ZDBF2: variants seen among roughly 807,000 people sequenced by gnomAD.
ZDBF2 encodes DBF4-type zinc finger-containing protein 2.
Under a neutral mutation model 9.4 loss-of-function variants are expected in ZDBF2, and 6 were observed. The ratio of observed to expected loss-of-function variants is 0.64; its 90% CI spans 0.35 to 1.27. The LOEUF (loss-of-function observed/expected upper bound fraction) is 1.27, where lower values mean the gene tolerates loss of function less well. ZDBF2 is among the 50% of genes most tolerant of loss of function. The pLI is 0.03. For missense variants in ZDBF2, 2,697 were observed against 2,766.8 expected (o/e 0.97, Z 0.57); for synonymous variants, 905 against 946.3 (o/e 0.96, Z 0.80).
intron 4 of ZDBF2, among the ~76,000 whole-genome samples, chr2:206,303,278 G>T: frequency 7.2e-6 from 1 of 139,274 alleles, no homozygotes; most frequent in African/African-American, 2.7e-5. Flanking sequence ...TTATCTCTTT[G>T]AATTGTTATT....
At chr2:206,281,612 T>C (rs1446867714) in intron 2 of ZDBF2, among the ~76,000 whole-genome samples, 189 bp from the exon 3 acceptor site, 1 of 152,228 alleles carries the variant, frequency 6.6e-6, no homozygotes, top group Non-Finnish European at 1.5e-5. Flanking sequence ...GGCAACAAAC[T>C]GCTCTTTCAT....
chr2:206,305,867 G>C lies in ZDBF2; in HGVS notation c.1339G>C (p.Val447Leu), dbSNP rs767944305. ...DVQYKNNKSY[V>L]SKISSDCDDI... The stretch of plus-strand genomic sequence containing the variant: ...ACAGTATAAGAATAATAAATCTTAT[G>C]TTTCTAAAATAAGTTCTGATTGTGA... The change falls in exon 5 of 5, where the codon GTT (valine) becomes CTT (leucine). Residue 447 changes from valine (V) to leucine (L), a missense_variant. Val to Leu is a conservative substitution (Grantham distance 32). Around this residue, in one of 3 missense-constraint regions of ZDBF2, gnomAD observed 910 missense variants for 973.6 expected, o/e 0.93. Transcript: ENST00000374423. The C allele has an allele frequency of 4.1e-5, 66 of 1,612,926 alleles. 1 individual carries two copies. The South Asian group carries it at 7.0e-4, about 17-fold the overall frequency.
intron 4 of ZDBF2, among the ~76,000 whole-genome samples, chr2:206,303,963 A>G (rs1171152824): frequency 1.3e-5 from 2 of 152,208 alleles, no homozygotes; most frequent in Non-Finnish European, 2.9e-5. Context: ...CTGAGTATTC[A>G]GGTTGATTCT....
At chr2:206,287,460 C>G (rs1346183010) in intron 3 of ZDBF2, among the ~76,000 whole-genome samples, 3 of 152,192 alleles carry the variant, frequency 2.0e-5, no homozygotes, top group African/African-American at 7.2e-5. Flanking sequence ...CGATGATTCC[C>G]TTATATGTGA....
intron 1 of ZDBF2, among the ~76,000 whole-genome samples, chr2:206,278,225 AAATT>A (rs1447756310): frequency 2.6e-5 from 4 of 152,340 alleles, no homozygotes; most frequent in African/African-American, 4.8e-5. Context: ...TTTGTAATAA[AAATT>A]AATAAAAGTC....
At chr2:206,302,098 T>C (rs1692536819) in intron 4 of ZDBF2, among the ~76,000 whole-genome samples, 2 of 152,054 alleles carry the variant, frequency 1.3e-5, no homozygotes, top group South Asian at 4.2e-4. Flanking sequence ...AGTCTCAAAG[T>C]CCTGGGCTCA....
In ZDBF2 at chr2:206,308,754, A is replaced by G; in HGVS notation, c.4226A>G (p.Asp1409Gly). Residue 1409 changes from aspartate (D) to glycine (G), a missense_variant, in exon 5 of 5, where the codon GAT (aspartate) becomes GGT (glycine). This residue lies in a region of ZDBF2 where 1,783 missense variants were observed against 1,776.5 expected (regional missense o/e 1.00). Transcript: ENST00000374423. ...EDKSYKLGDF[D>G]VSYASHIPVQ... The stretch of plus-strand genomic sequence containing the variant: ...AAGAGCTATAAATTAGGTGATTTTG[A>G]TGTAAGTTATGCTTCTCATATTCCT... The G allele has an allele frequency of 2.5e-6, 4 of 1,613,590 alleles. No individual in the cohort carries two copies. The highest frequency in any genetic ancestry group is 2.2e-5 in the South Asian group (2 of 91,030).
Position 206,309,890 on chromosome 2 carries a change from C to T in ZDBF2, c.5362C>T (p.Gln1788Ter). Residue 1788 changes from glutamine (Q) to a stop codon, truncating the protein, a stop_gained, in exon 5 of 5, where the codon CAG becomes TAG. Transcript: ENST00000374423. LOFTEE classifies it low-confidence loss of function (END_TRUNC). Reference protein sequence around the residue: ...SDLKEKNHDSQSSSVLKVDSV... With the variant: ...SDLKEKNHDS ...CTTGAAAGAAAAGAACCATGATTCC[C>T]AGTCAAGCTCTGTTCTCAAGGTTGA... 1 of 1,613,916 alleles carries T rather than the reference C, an allele frequency of 6.2e-7. No individual in the cohort carries two copies. Among genetic ancestry groups the T allele is most frequent in the African/African-American group, 1.3e-5 (1 of 75,008 alleles).
chr2:206,298,499 G>A (rs1299455506), intron 4 of ZDBF2, among the ~76,000 whole-genome samples: 1 of 152,112 alleles, frequency 6.6e-6, no homozygotes, highest in Non-Finnish European at 1.5e-5. Context: ...CCTGGGGTCA[G>A]TATAAATTTC....
At chr2:206,303,469 A>G (rs776740883) in intron 4 of ZDBF2, among the ~76,000 whole-genome samples, 1 of 152,164 alleles carries the variant, frequency 6.6e-6, no homozygotes, top group African/African-American at 2.4e-5. Context: ...TGGCAATATC[A>G]TTAGGTCAGT....
At position 206,312,502 on chromosome 2, in the gene ZDBF2, C is replaced by G. The variant is rs1178668906; in HGVS notation, c.*909C>G. On this transcript the variant is annotated 3_prime_UTR_variant, in exon 5 of 5. Transcript: ENST00000374423. The stretch of plus-strand genomic sequence containing the variant: ...TGAACTTAGCTCACCGCAACCTCCA[C>G]CTCCCGGGTTCAAGCAATTCTCCTG... The G allele has an allele frequency of 1.3e-5, 2 of 152,230 alleles. No individual in the cohort carries two copies. The highest frequency in any genetic ancestry group is 4.8e-5 in the African/African-American group (2 of 41,446). The allele number at this position is 152,230 out of a possible 1,614,324, so 9.4% of individuals were successfully genotyped here.
rs77398821 is a variant in ZDBF2, at chr2:206,301,374, T to C, written c.189-3343T>C. The stretch of plus-strand genomic sequence containing the variant: ...TGTAAGGAGAATTTTTCTTTATGGC[T>C]TCTTTTATGCCTTTTTCTTCATGCC... On this transcript the variant is annotated intron_variant, in intron 4 of 4. Transcript: ENST00000374423. 5.6e-3 allele frequency among the ~76,000 whole-genome samples: 849 copies of C among 152,272 alleles called. 6 individuals are homozygous for C. The highest frequency in any genetic ancestry group is 8.9e-3 in the Non-Finnish European group (602 of 68,006).
At chr2:206,287,674 T>C (rs1249920872) in intron 3 of ZDBF2, among the ~76,000 whole-genome samples, 2 of 152,216 alleles carry the variant, frequency 1.3e-5, no homozygotes, top group Non-Finnish European at 2.9e-5. Flanking sequence ...GTCTTCCCCA[T>C]CTGGATTCCT....
chr2:206,290,868 T>C (rs187083708), intron 3 of ZDBF2, among the ~76,000 whole-genome samples: 2 of 152,342 alleles, frequency 1.3e-5, no homozygotes, highest in East Asian at 3.9e-4. Flanking sequence ...TGCTAGAATT[T>C]CTAGTATGAT....
intron 2 of ZDBF2, 115 bp downstream of exon 2, chr2:206,279,707 C>G (rs1315035736): frequency 1.3e-5 from 2 of 152,062 alleles, no homozygotes; most frequent in Admixed American, 6.5e-5. Flanking sequence ...AAGAAATGAT[C>G]CCTTTAATAA....
In ZDBF2 at chr2:206,310,228, CTG is replaced by C; in HGVS notation, c.5703_5704del (p.Cys1901TrpfsTer6). ...CTGTGTCAGAGAGTGATGATATTGTCTGTGGTATTTCAGATATTGATGACTTG... is the reference window on the plus strand; with the variant it reads ...CTGTGTCAGAGAGTGATGATATTGTCTGGTATTTCAGATATTGATGACTTG... ...QAVSESDDIV[C>X]GISDIDDLSV... On this transcript the variant is annotated frameshift_variant, in exon 5 of 5. Coordinates refer to ENST00000374423, the MANE Select transcript of ZDBF2 (RefSeq NM_020923.3). LOFTEE classifies it low-confidence loss of function (END_TRUNC). 6.2e-7 allele frequency: 1 copy of C among 1,613,898 alleles called. No individual in the cohort carries two copies. Among genetic ancestry groups the C allele is most frequent in the Non-Finnish European group, 8.5e-7 (1 of 1,179,890 alleles).
At chr2:206,295,732 T>C (rs959003659) in intron 3 of ZDBF2, among the ~76,000 whole-genome samples, 3 of 152,048 alleles carry the variant, frequency 2.0e-5, no homozygotes, top group Admixed American at 1.3e-4. Context: ...ACGATATTCT[T>C]ACTCAGTGAA....
rs1251674986 is a variant in ZDBF2 at position 206,309,332 on chromosome 2, A to C, written c.4804A>C (p.Lys1602Gln). 6.2e-7 allele frequency: 1 copy of C among 1,612,854 alleles called. No homozygotes were observed. Among genetic ancestry groups the C allele is most frequent in the Non-Finnish European group, 8.5e-7 (1 of 1,179,454 alleles). The change falls in exon 5 of 5, where the codon AAA becomes CAA. Residue 1602 changes from lysine to glutamine, a missense_variant. Transcript: ENST00000374423. ...GACAAACCAATGCAAAGAGACTTTCAAAATAATAAACCGGAAGAAGGACTA... is the reference window on the plus strand; with the variant it reads ...GACAAACCAATGCAAAGAGACTTTCCAAATAATAAACCGGAAGAAGGACTA... ...SMTNQCKETFKIINRKKDYII... is the reference protein window; with the variant it reads ...SMTNQCKETFQIINRKKDYII...
Position 206,310,389 on chromosome 2 carries a change from C to T in ZDBF2, c.5861C>T (p.Pro1954Leu). The T allele has an allele frequency of 1.9e-6, 3 of 1,613,838 alleles. No individual in the cohort carries two copies. The highest frequency in any genetic ancestry group is 2.5e-6 in the Non-Finnish European group (3 of 1,179,872). The change falls in exon 5 of 5, where the codon CCA (proline) becomes CTA (leucine). Residue 1954 changes from proline to leucine, a missense_variant. Coordinates refer to ENST00000374423, the MANE Select transcript of ZDBF2 (RefSeq NM_020923.3). ...HSTQTSCKNY[P>L]VMKRKIIRQE... is the part of the protein sequence containing the mutation. ...ACTCAGACCAGTTGTAAGAATTACCCAGTGATGAAAAGAAAAATAATTAGA... is the reference window on the plus strand; with the variant it reads ...ACTCAGACCAGTTGTAAGAATTACCTAGTGATGAAAAGAAAAATAATTAGA...
Sources: allele counts gnomAD v4.1 joint callset (sites outside exome capture counted in the v4.1 genomes callset), GRCh38; gene constraint gnomAD v4.1.1; regional missense constraint gnomAD v4.1.1; transcripts MANE v1.5; gene names NCBI Gene and HGNC (gene_info 2026-07-23, HGNC 2026-07-21).